The following INPP4B variants were observed in gnomAD, a reference collection of about 807,000 sequenced individuals.
INPP4B encodes the protein inositol polyphosphate-4-phosphatase type II B, also known as inositol polyphosphate 4-phosphatase type II.
INPP4B carries 55 observed loss-of-function variants against 122.5 expected under a neutral mutation model. That is an observed-to-expected ratio of 0.45 (90% CI 0.36 to 0.56). The LOEUF (loss-of-function observed/expected upper bound fraction) is 0.56, where lower values mean the gene tolerates loss of function less well. Among genes scored for constraint, INPP4B ranks in the 20% least tolerant of loss-of-function variants. INPP4B has a pLI of 0.00. For missense variants in INPP4B, 1,000 were observed against 1,097.7 expected, an observed-to-expected ratio of 0.91 and a Z score of 1.26; for synonymous variants, 403 against 388.7, an observed-to-expected ratio of 1.04 and a Z score of -0.43.
At chr4:142,714,804 T>A (rs1262296855) in intron 2 of INPP4B, among the ~76,000 whole-genome samples, 2 of 152,160 alleles carry the variant, frequency 1.3e-5, no homozygotes, top group African/African-American at 2.4e-5. Flanking sequence ...TCACGAGGAC[T>A]CTCTGCTGGG....
chr4:142,574,238 A>G (rs2150171486), intron 2 of INPP4B, among the ~76,000 whole-genome samples: 1 of 152,218 alleles, frequency 6.6e-6, no homozygotes, highest in Non-Finnish European at 1.5e-5. Context: ...AAACTCATGG[A>G]GGGAACTGGT....
chr4:142,331,053 T>C (rs1287056555), intron 7 of INPP4B, among the ~76,000 whole-genome samples: 2 of 152,368 alleles, frequency 1.3e-5, no homozygotes, highest in African/African-American at 2.4e-5. Context: ...TCAGATAATG[T>C]TGCTCTTTAT....
intron 2 of INPP4B, among the ~76,000 whole-genome samples, chr4:142,670,344 A>G (rs1485550248): frequency 6.6e-6 from 1 of 152,190 alleles, no homozygotes; most frequent in Non-Finnish European, 1.5e-5. Flanking sequence ...CTACATTTCC[A>G]TGTTTATTGC....
chr4:142,806,063 A>C (rs1334683058), intron 1 of INPP4B, among the ~76,000 whole-genome samples: 1 of 151,836 alleles, frequency 6.6e-6, no homozygotes, highest in Admixed American at 6.5e-5. Context: ...GCGGATCACG[A>C]GGTCAGGAGA....
chr4:142,626,680 G>T (rs1746488493), intron 2 of INPP4B, among the ~76,000 whole-genome samples: 1 of 151,976 alleles, frequency 6.6e-6, no homozygotes, highest in South Asian at 2.1e-4. Flanking sequence ...GAACAAATGT[G>T]TAGACATTGT....
chr4:142,641,783 A>T (rs1173387222), intron 2 of INPP4B, among the ~76,000 whole-genome samples: 2 of 152,332 alleles, frequency 1.3e-5, no homozygotes, highest in East Asian at 3.9e-4. Context: ...GTATATACCC[A>T]GTAATGATTT....
chr4:142,653,768 G>A (rs1291035159), intron 2 of INPP4B, among the ~76,000 whole-genome samples: 2 of 152,148 alleles, frequency 1.3e-5, no homozygotes, highest in African/African-American at 2.4e-5. Context: ...TTACACTATT[G>A]GTGGGAGTGT....
chr4:142,337,734 ATTT>A (rs1561881928), intron 7 of INPP4B, among the ~76,000 whole-genome samples: 1 of 41,672 alleles, frequency 2.4e-5, no homozygotes, highest in Non-Finnish European at 5.1e-5. Context: ...TTTTATATAT[ATTT>A]ATATATATTA....
chr4:142,616,181 G>A (rs1385768434), intron 2 of INPP4B, among the ~76,000 whole-genome samples: 1 of 152,112 alleles, frequency 6.6e-6, no homozygotes, highest in Non-Finnish European at 1.5e-5. Context: ...TCTTGGTGCT[G>A]CCCTCGGAAT....
intron 7 of INPP4B, among the ~76,000 whole-genome samples, chr4:142,372,912 T>C (rs953470443): frequency 1.1e-4 from 17 of 152,048 alleles, no homozygotes; most frequent in African/African-American, 4.1e-4. Flanking sequence ...AAGCACATTT[T>C]ACTTCAATCT....
intron 22 of INPP4B, among the ~76,000 whole-genome samples, 196 bp downstream of exon 22, chr4:142,112,346 A>G (rs1395960197): frequency 6.6e-6 from 1 of 152,198 alleles, no homozygotes; most frequent in Non-Finnish European, 1.5e-5. Flanking sequence ...TTTTTGCCAC[A>G]TTTAAATTTG....
chr4:142,157,549 T>C (rs77563355), intron 17 of INPP4B, among the ~76,000 whole-genome samples: 2,405 of 152,218 alleles, frequency 0.016, 81 homozygotes, highest in African/African-American at 0.055. Flanking sequence ...AGAAATGACA[T>C]TAAGGAGATG....
intron 23 of INPP4B, among the ~76,000 whole-genome samples, chr4:142,102,334 T>C (rs1784840980): frequency 6.6e-6 from 1 of 152,054 alleles, no homozygotes. Flanking sequence ...TGACATGCAC[T>C]CACAGCTTTT....
intron 2 of INPP4B, among the ~76,000 whole-genome samples, chr4:142,562,706 G>GAA (rs894680184): frequency 1.3e-5 from 2 of 149,572 alleles, no homozygotes; most frequent in Non-Finnish European, 3.0e-5. Flanking sequence ...GAATCTATAA[G>GAA]AAAAAAAAAT....
At chr4:142,184,300 C>T (rs1260448666) in intron 15 of INPP4B, among the ~76,000 whole-genome samples, 1 of 152,160 alleles carries the variant, frequency 6.6e-6, no homozygotes, top group Non-Finnish European at 1.5e-5. Flanking sequence ...TAAATTGTCT[C>T]CCTTCTTCTT....
At chr4:142,664,682 TGA>T (rs1755721681) in intron 2 of INPP4B, among the ~76,000 whole-genome samples, 1 of 151,914 alleles carries the variant, frequency 6.6e-6, no homozygotes, top group East Asian at 1.9e-4. Context: ...TCAATAGAAA[TGA>T]GATATATTTC....
At chr4:142,816,963 T>C (rs558224326) in intron 1 of INPP4B, among the ~76,000 whole-genome samples, 7 of 152,284 alleles carry the variant, frequency 4.6e-5, no homozygotes, top group African/African-American at 1.7e-4. Flanking sequence ...AATGTGACCT[T>C]AATTGGAAAT....
At chr4:142,043,559 A>G (rs1417906929) in intron 25 of INPP4B, among the ~76,000 whole-genome samples, 1 of 152,214 alleles carries the variant, frequency 6.6e-6, no homozygotes, top group Non-Finnish European at 1.5e-5. Context: ...ATGGAAAGCC[A>G]TGGAAAGAAG....
At chr4:142,155,335 C>T (rs74912010) in intron 17 of INPP4B, among the ~76,000 whole-genome samples, 1,835 of 152,130 alleles carry the variant, frequency 0.012, 44 homozygotes, top group African/African-American at 0.042. Context: ...TATGCATGGT[C>T]TCAATGTTTT....
Sources: allele counts gnomAD v4.1 joint callset (sites outside exome capture counted in the v4.1 genomes callset), GRCh38; gene constraint gnomAD v4.1.1; transcripts MANE v1.5; gene names NCBI Gene and HGNC (gene_info 2026-07-23, HGNC 2026-07-21).